Variants in TMEM135 observed in about 807,000 individuals in gnomAD.
TMEM135 encodes transmembrane protein 135.
Under a neutral mutation model 60.3 loss-of-function variants are expected in TMEM135, and 30 were observed. That is an observed-to-expected ratio of 0.50 (90% CI 0.37 to 0.68). The LOEUF is 0.68. TMEM135 is among the 30% of genes least tolerant of loss of function. The pLI is 0.00. For synonymous variants in TMEM135, 190 were observed against 186.7 expected (o/e 1.02, Z -0.14); for missense variants, 468 against 548.8 (o/e 0.85, Z 1.47).
chr11:87,088,376 C>A (rs1014371786), intron 3 of TMEM135, among the ~76,000 whole-genome samples: 3 of 152,110 alleles, frequency 2.0e-5, no homozygotes, highest in African/African-American at 4.8e-5. Context: ...TGCAGTGATA[C>A]AAATAACTAT....
chr11:87,093,135 T>C (rs1857247957), intron 4 of TMEM135, among the ~76,000 whole-genome samples: 2 of 152,254 alleles, frequency 1.3e-5, no homozygotes, highest in Non-Finnish European at 2.9e-5. Context: ...ATTTTCCTAC[T>C]TTTTCATCTC....
intron 5 of TMEM135, among the ~76,000 whole-genome samples, chr11:87,162,114 T>G (rs1938896473): frequency 6.6e-6 from 1 of 152,170 alleles, no homozygotes; most frequent in African/African-American, 2.4e-5. Flanking sequence ...AAAGCTCAGG[T>G]AATTTAAATA....
At chr11:87,241,774 CT>C (rs1302058663) in intron 6 of TMEM135, among the ~76,000 whole-genome samples, 2 of 152,032 alleles carry the variant, frequency 1.3e-5, no homozygotes, top group Admixed American at 6.6e-5. Context: ...TGATTTTTCT[CT>C]TTGTTTTCCT....
chr11:87,286,300 T>G (rs1286910331), intron 6 of TMEM135, among the ~76,000 whole-genome samples: 2 of 131,692 alleles, frequency 1.5e-5, no homozygotes, highest in African/African-American at 6.1e-5. Flanking sequence ...AGACATATTC[T>G]CCAAGTCCCC....
intron 5 of TMEM135, among the ~76,000 whole-genome samples, chr11:87,197,584 G>T (rs956819116): frequency 6.7e-6 from 1 of 148,792 alleles, no homozygotes; most frequent in Non-Finnish European, 1.5e-5. Context: ...TTCCAATTCT[G>T]TTAAAATTGG....
intron 6 of TMEM135, among the ~76,000 whole-genome samples, chr11:87,279,532 C>G (rs1021543022): frequency 6.6e-6 from 1 of 152,168 alleles, no homozygotes. Context: ...TTGCATTTTA[C>G]AGGTGGAGAA....
At chr11:87,284,821 GT>G (rs1332685958) in intron 6 of TMEM135, among the ~76,000 whole-genome samples, 2 of 152,158 alleles carry the variant, frequency 1.3e-5, no homozygotes, top group African/African-American at 4.8e-5. Flanking sequence ...TTGTATGTGA[GT>G]TTTCTTAAAA....
At chr11:87,091,489 T>C (rs1857203745) in intron 4 of TMEM135, 94 bp downstream of exon 4, 2 of 1,218,112 alleles carry the variant, frequency 1.6e-6, no homozygotes, top group Non-Finnish European at 1.2e-6. Flanking sequence ...GAAAGCCACT[T>C]GTATTTGAGG....
chr11:87,166,336 T>C (rs1387648829), intron 5 of TMEM135, among the ~76,000 whole-genome samples: 1 of 151,852 alleles, frequency 6.6e-6, no homozygotes, highest in Non-Finnish European at 1.5e-5. Context: ...ATTTTGGCTT[T>C]TGTTGCCATT....
chr11:87,250,054 A>G (rs1022741425), intron 6 of TMEM135, among the ~76,000 whole-genome samples: 12 of 152,210 alleles, frequency 7.9e-5, no homozygotes, highest in Non-Finnish European at 1.8e-4. Context: ...CTAGGAATGT[A>G]TTCATTTCTT....
intron 4 of TMEM135, among the ~76,000 whole-genome samples, chr11:87,115,700 A>T (rs978744000): frequency 6.6e-6 from 1 of 152,104 alleles, no homozygotes; most frequent in Admixed American, 6.5e-5. Context: ...GAGTATTTGT[A>T]TGAGAATTTA....
At chr11:87,148,480 C>T (rs749529827) in intron 4 of TMEM135, among the ~76,000 whole-genome samples, 20 of 151,882 alleles carry the variant, frequency 1.3e-4, no homozygotes, top group Admixed American at 5.9e-4. Flanking sequence ...GAGAAGGTAC[C>T]GAAAAAGAAT....
chr11:87,256,817 T>C (rs1353744692), intron 6 of TMEM135, among the ~76,000 whole-genome samples: 1 of 152,146 alleles, frequency 6.6e-6, no homozygotes, highest in African/African-American at 2.4e-5. Flanking sequence ...CCTCTATCTG[T>C]CTGTTGGTCC....
intron 6 of TMEM135, among the ~76,000 whole-genome samples, chr11:87,237,819 T>C (rs2135375202): frequency 6.6e-6 from 1 of 151,864 alleles, no homozygotes; most frequent in East Asian, 1.9e-4. Context: ...TGCTCCCCAC[T>C]ACTCTTACCA....
intron 4 of TMEM135, among the ~76,000 whole-genome samples, chr11:87,124,017 A>G (rs1222112387): frequency 6.6e-6 from 1 of 152,186 alleles, no homozygotes; most frequent in East Asian, 1.9e-4. Flanking sequence ...TTTCTACTCT[A>G]TCACTGTAGT....
chr11:87,078,585 T>A (rs1856920627), intron 3 of TMEM135, among the ~76,000 whole-genome samples: 1 of 152,122 alleles, frequency 6.6e-6, no homozygotes, highest in South Asian at 2.1e-4. Context: ...GATGAAGAAG[T>A]CCAAGTTATC....
intron 5 of TMEM135, among the ~76,000 whole-genome samples, chr11:87,217,700 G>A (rs1336432686): frequency 3.3e-5 from 5 of 151,984 alleles, no homozygotes; most frequent in South Asian, 2.1e-4. Flanking sequence ...CAGGAGAATC[G>A]CTTGAACCAG....
rs1471232565 is a variant in TMEM135 at position 87,038,205 on chromosome 11, C to T, written c.141+19C>T. 3 of 1,613,860 alleles carry T rather than the reference C, an allele frequency of 1.9e-6. No homozygotes were observed. Among genetic ancestry groups the T allele is most frequent in the African/African-American group, 2.7e-5 (2 of 74,876 alleles). ...GTACTTGGTGAGACCCGTCACCCGT[C>T]CCGCAGGGCGAGTTTAGTCTGGAAG... On this transcript the variant is annotated intron_variant, in intron 1 of 14. Coordinates refer to ENST00000305494, the MANE Select transcript of TMEM135 (RefSeq NM_022918.4).
chr11:87,181,968 A>G lies in TMEM135; in HGVS notation c.462+24562A>G, dbSNP rs868593443. On this transcript the variant is annotated intron_variant, in intron 5 of 14. Coordinates refer to ENST00000305494, the MANE Select transcript of TMEM135 (RefSeq NM_022918.4). ...AATGAGGGTGGCTTTTTTTTTTTAA[A>G]GAGAGAATTGTTTTCATGGAGTGTA... 4.2e-4 allele frequency among the ~76,000 whole-genome samples: 63 copies of G among 151,220 alleles called. No individual in the cohort carries two copies. In the Middle Eastern group the frequency reaches 0.014, roughly 33 times the overall value.
Sources: allele counts gnomAD v4.1 joint callset (sites outside exome capture counted in the v4.1 genomes callset), GRCh38; gene constraint gnomAD v4.1.1; transcripts MANE v1.5; gene names NCBI Gene and HGNC (gene_info 2026-07-23, HGNC 2026-07-21).